GTF2IRD1: variants seen among roughly 807,000 people sequenced by gnomAD.
GTF2IRD1 encodes GTF2I repeat domain containing 1, also known as general transcription factor II-I repeat domain-containing protein 1.
In GTF2IRD1, 26 loss-of-function variants were observed where a neutral mutation model predicts 113.2. That is an observed-to-expected ratio of 0.23 (90% CI 0.17 to 0.32). The LOEUF (loss-of-function observed/expected upper bound fraction) is 0.32. Ranked by LOEUF, GTF2IRD1 falls within the 10% of genes least tolerant of loss-of-function variation. The probability of loss-of-function intolerance (pLI) is 1.00; values close to 1 mark genes in which losing one functional copy is unlikely to be tolerated. For missense variants in GTF2IRD1, 864 were observed against 1,280.8 expected, an observed-to-expected ratio of 0.67 and a Z score of 4.97; for synonymous variants, 484 against 529.1, an observed-to-expected ratio of 0.91 and a Z score of 1.17.
intron 1 of GTF2IRD1, among the ~76,000 whole-genome samples, chr7:74,460,485 G>A (rs1203006305): frequency 1.3e-5 from 2 of 151,772 alleles, no homozygotes; most frequent in African/African-American, 2.4e-5. Flanking sequence ...GGCCTCAAGC[G>A]ATCCTCCCAC....
At position 74,555,080 on chromosome 7, in the gene GTF2IRD1, C is replaced by G; in HGVS notation, c.1917-94C>G. 8.8e-7 allele frequency: 1 copy of G among 1,141,602 alleles called. No homozygotes were observed. The highest frequency in any genetic ancestry group is 1.5e-5 in the African/African-American group (1 of 65,304). 70.7% of individuals were successfully genotyped at this position (1,141,602 alleles called of 1,614,324 possible). A position where few individuals can be genotyped will look rare whatever the true frequency, so the allele number is the denominator to read the frequency against. On this transcript the variant is annotated intron_variant, in intron 17 of 26. Coordinates refer to ENST00000424337, the MANE Select transcript of GTF2IRD1 (RefSeq NM_005685.4). This position sits in a 1 kb window ranked among gnomAD's most constrained non-coding sequence, Gnocchi z 5.3. ...TATGCATAGCCAGAAGGGTCCATTG[C>G]AGGGCTGTGTAGACTGAGGCCCAGA...
intron 1 of GTF2IRD1, among the ~76,000 whole-genome samples, chr7:74,476,512 C>T (rs142202902): frequency 2.6e-5 from 4 of 152,074 alleles, no homozygotes; most frequent in East Asian, 1.9e-4. Flanking sequence ...TACAGGTGCA[C>T]GCCACCAGGC....
chr7:74,486,822 GA>G (rs1224706012), intron 1 of GTF2IRD1, among the ~76,000 whole-genome samples: 45 of 151,078 alleles, frequency 3.0e-4, no homozygotes, highest in African/African-American at 1.1e-3. Context: ...AAAAAAAAAT[GA>G]AAAAAAATAG....
At chr7:74,496,661 TGA>T (rs1404845533) in intron 1 of GTF2IRD1, among the ~76,000 whole-genome samples, 1 of 151,828 alleles carries the variant, frequency 6.6e-6, no homozygotes, top group Non-Finnish European at 1.5e-5. Flanking sequence ...GGTGTGTGTG[TGA>T]GTGTGCATGC....
At chr7:74,538,268 A>G in intron 12 of GTF2IRD1, 95 bp downstream of exon 12, 2 of 1,287,400 alleles carry the variant, frequency 1.6e-6, no homozygotes, top group Non-Finnish European at 2.3e-6. Context: ...AACTCAGCCC[A>G]TGAGCCTGGA....
intron 22 of GTF2IRD1, among the ~76,000 whole-genome samples, chr7:74,560,389 G>A (rs1799873470): frequency 6.6e-6 from 1 of 151,252 alleles, no homozygotes; most frequent in Non-Finnish European, 1.5e-5. Flanking sequence ...AGATGTGGGT[G>A]GCGCCTACCC....
At chr7:74,546,758 T>C (rs1583851936) in intron 16 of GTF2IRD1, among the ~76,000 whole-genome samples, 1 of 137,916 alleles carries the variant, frequency 7.3e-6, no homozygotes, top group African/African-American at 2.7e-5. Context: ...CCCAGTGGAC[T>C]CGGGGAAGCA....
chr7:74,462,466 A>G (rs1554329588), intron 1 of GTF2IRD1, among the ~76,000 whole-genome samples: 2 of 152,206 alleles, frequency 1.3e-5, no homozygotes, highest in Non-Finnish European at 1.5e-5. Flanking sequence ...CTGGCTTCAC[A>G]CAGCATAATG....
intron 1 of GTF2IRD1, among the ~76,000 whole-genome samples, chr7:74,500,709 T>C (rs1554339237): frequency 2.0e-5 from 3 of 152,168 alleles, no homozygotes; most frequent in Non-Finnish European, 4.4e-5. Flanking sequence ...CAGACACACA[T>C]TGATGCTTCC....
At chr7:74,459,591 C>G (rs1554328541) in intron 1 of GTF2IRD1, among the ~76,000 whole-genome samples, 1 of 152,164 alleles carries the variant, frequency 6.6e-6, no homozygotes, top group Non-Finnish European at 1.5e-5. Context: ...TGGGGCCTGG[C>G]TGACCCAGAG....
At chr7:74,535,177 A>T (rs1196280902) in intron 10 of GTF2IRD1, 39 bp downstream of exon 10, 1 of 1,583,696 alleles carries the variant, frequency 6.3e-7, no homozygotes, top group Non-Finnish European at 8.7e-7. Flanking sequence ...AAGTTTCCGG[A>T]TTGGTTCCCC....
intron 7 of GTF2IRD1, among the ~76,000 whole-genome samples, chr7:74,521,617 G>T (rs1797303333): frequency 6.6e-6 from 1 of 152,110 alleles, no homozygotes; most frequent in South Asian, 2.1e-4. Flanking sequence ...AGAAAAATTA[G>T]TGGATGTGGT....
intron 22 of GTF2IRD1, among the ~76,000 whole-genome samples, chr7:74,560,409 C>T (rs1583888080): frequency 6.6e-6 from 1 of 150,848 alleles, no homozygotes; most frequent in East Asian, 1.9e-4. Context: ...CTGCCTTAAA[C>T]AGTGCAGTGC....
chr7:74,470,869 T>C (rs1554332152), intron 1 of GTF2IRD1, among the ~76,000 whole-genome samples: 1 of 152,150 alleles, frequency 6.6e-6, no homozygotes, highest in Non-Finnish European at 1.5e-5. Flanking sequence ...AATGGCGTGA[T>C]CTCGGCTCAC....
At chr7:74,484,453 C>CTT (rs1173256681) in intron 1 of GTF2IRD1, among the ~76,000 whole-genome samples, 89 of 126,088 alleles carry the variant, frequency 7.1e-4, no homozygotes, top group Non-Finnish European at 1.2e-3. Flanking sequence ...GGCCATCCTT[C>CTT]TTTTTTTTTT....
Position 74,538,748 on chromosome 7 carries a change from G to A in GTF2IRD1, c.1516G>A (p.Val506Ile). Residue 506 changes from valine to isoleucine, a missense_variant, in exon 13 of 27, where the codon GTC (valine) becomes ATC (isoleucine). Coordinates refer to ENST00000424337, the MANE Select transcript of GTF2IRD1 (RefSeq NM_005685.4). Reference protein sequence around the residue: ...IEPEDLDIIQVTVPDPSPTSE... With the variant: ...IEPEDLDIIQITVPDPSPTSE... Reference sequence around the variant, plus strand: ...GCCAGAGGATCTGGACATCATTCAGGTCACCGTCCCAGGTAAGGGACGGGC... The same window carrying A: ...GCCAGAGGATCTGGACATCATTCAGATCACCGTCCCAGGTAAGGGACGGGC... 1 of 1,583,736 alleles carries A rather than the reference G, an allele frequency of 6.3e-7. No homozygotes were observed. The highest frequency in any genetic ancestry group is 1.3e-5 in the African/African-American group (1 of 74,454).
intron 24 of GTF2IRD1, among the ~76,000 whole-genome samples, chr7:74,591,412 T>G (rs1802056054): frequency 6.9e-6 from 1 of 143,988 alleles, no homozygotes; most frequent in South Asian, 2.3e-4. Context: ...AGAGTCTTGC[T>G]CTGTCACCCA....
intron 22 of GTF2IRD1, among the ~76,000 whole-genome samples, chr7:74,584,041 C>A (rs1241984240): frequency 2.0e-5 from 3 of 152,280 alleles, no homozygotes; most frequent in African/African-American, 4.8e-5. Flanking sequence ...AAACAGGTCT[C>A]AATCAATTTA....
intron 1 of GTF2IRD1, among the ~76,000 whole-genome samples, chr7:74,496,479 GCA>G (rs1491232044): frequency 3.7e-5 from 5 of 134,486 alleles, no homozygotes; most frequent in East Asian, 4.4e-4. Flanking sequence ...ATGTGGGTGT[GCA>G]CGTATGTGTG....
Sources: gnomAD v4.1 joint callset for allele counts (sites outside exome capture counted in the v4.1 genomes callset) on GRCh38, gnomAD v4.1.1 for gene constraint, Gnocchi (gnomAD v3.1) non-coding constraint, MANE v1.5 for transcripts, NCBI Gene and HGNC (gene_info 2026-07-23, HGNC 2026-07-21) for gene names.